EXOC4: variants seen among roughly 807,000 people sequenced by gnomAD.
The protein encoded by EXOC4 is exocyst complex component 4.
In EXOC4, 71 loss-of-function variants were observed where a neutral mutation model predicts 107.2. The observed-to-expected ratio is 0.66, with a 90% CI of 0.55 to 0.81. EXOC4 has a LOEUF of 0.81. Ranked by LOEUF, EXOC4 falls within the 30% of genes least tolerant of loss-of-function variation. The probability of loss-of-function intolerance (pLI) is 0.00; values close to 1 mark genes in which losing one functional copy is unlikely to be tolerated. For missense variants in EXOC4, 1,108 were observed against 1,189.6 expected, an observed-to-expected ratio of 0.93 and a Z score of 1.01; for synonymous variants, 456 against 441.2, an observed-to-expected ratio of 1.03 and a Z score of -0.42.
chr7:133,445,295 G>T (rs1206003360), intron 7 of EXOC4, among the ~76,000 whole-genome samples: 2 of 152,118 alleles, frequency 1.3e-5, no homozygotes, highest in Non-Finnish European at 2.9e-5. Context: ...GAGATGGCTG[G>T]AACGTGTGTC....
chr7:133,476,658 T>G (rs1301396061), intron 8 of EXOC4, among the ~76,000 whole-genome samples: 1 of 152,220 alleles, frequency 6.6e-6, no homozygotes, highest in Admixed American at 6.5e-5. Flanking sequence ...TCTATTCTGT[T>G]TATTGAATGC....
intron 14 of EXOC4, among the ~76,000 whole-genome samples, chr7:133,981,496 A>G (rs1409751928): frequency 6.6e-6 from 1 of 152,236 alleles, no homozygotes; most frequent in African/African-American, 2.4e-5. Context: ...AACAAGAAAA[A>G]AAAGCTAAAA....
chr7:134,079,685 T>G, the EXOC4 span, among the ~76,000 whole-genome samples: 1 of 152,218 alleles, frequency 6.6e-6, no homozygotes, highest in African/African-American at 2.4e-5. Context: ...ATAAATGCCC[T>G]GCCCTTCAGA....
At chr7:133,615,657 TA>T (rs745330783) in intron 9 of EXOC4, among the ~76,000 whole-genome samples, 1 of 152,172 alleles carries the variant, frequency 6.6e-6, no homozygotes, top group Admixed American at 6.5e-5. Flanking sequence ...GCGATTGAGA[TA>T]AAAAGTGTTT....
chr7:133,860,060 G>A (rs1344533198), intron 11 of EXOC4, among the ~76,000 whole-genome samples: 2 of 152,094 alleles, frequency 1.3e-5, no homozygotes, highest in Non-Finnish European at 2.9e-5. Flanking sequence ...GTCAAATGTT[G>A]GCAATTTCCT....
chr7:133,349,130 G>GT (rs11288847), intron 5 of EXOC4, among the ~76,000 whole-genome samples: 21 of 148,908 alleles, frequency 1.4e-4, no homozygotes, highest in Non-Finnish European at 3.0e-5. Flanking sequence ...AGATTTAAAT[G>GT]TTTTTTTTTT....
intron 7 of EXOC4, among the ~76,000 whole-genome samples, chr7:133,390,918 T>C (rs974978476): frequency 6.6e-6 from 1 of 152,256 alleles, no homozygotes; most frequent in African/African-American, 2.4e-5. Context: ...TCTATACCTG[T>C]AATTCAGTGA....
intron 10 of EXOC4, among the ~76,000 whole-genome samples, chr7:133,674,468 A>T (rs1333413108): frequency 6.6e-6 from 1 of 152,196 alleles, no homozygotes; most frequent in Non-Finnish European, 1.5e-5. Context: ...CAATTCAGGT[A>T]TATAAAAATG....
chr7:133,448,154 TG>T, intron 7 of EXOC4, among the ~76,000 whole-genome samples: 1 of 152,288 alleles, frequency 6.6e-6, no homozygotes, highest in South Asian at 2.1e-4. Flanking sequence ...GAAGCATTTC[TG>T]GGTCTCCTTT....
chr7:133,413,061 A>C (rs1797398882), intron 7 of EXOC4, among the ~76,000 whole-genome samples: 1 of 152,110 alleles, frequency 6.6e-6, no homozygotes, highest in Admixed American at 6.6e-5. Flanking sequence ...AATCAGTGGA[A>C]ATGTTCAGAA....
chr7:133,367,304 G>A (rs1319906594), intron 6 of EXOC4, among the ~76,000 whole-genome samples: 2 of 152,124 alleles, frequency 1.3e-5, no homozygotes, highest in African/African-American at 2.4e-5. Flanking sequence ...TTCCTGAGAA[G>A]GAATAACTGG....
intron 11 of EXOC4, among the ~76,000 whole-genome samples, chr7:133,889,433 T>A (rs567331221): frequency 2.7e-4 from 41 of 150,990 alleles, no homozygotes; most frequent in African/African-American, 7.5e-4. Context: ...TTATTTTTTT[T>A]AATTATACTT....
chr7:133,995,052 C>G (rs1794354877), intron 14 of EXOC4, among the ~76,000 whole-genome samples: 1 of 152,096 alleles, frequency 6.6e-6, no homozygotes, highest in African/African-American at 2.4e-5. Flanking sequence ...AAAATGTTAT[C>G]TTTTTGCCAT....
intron 9 of EXOC4, among the ~76,000 whole-genome samples, chr7:133,573,090 G>C (rs1038863285): frequency 2.0e-5 from 3 of 152,168 alleles, no homozygotes; most frequent in Non-Finnish European, 4.4e-5. Flanking sequence ...CAAATAAAAG[G>C]ATGTGGTCAT....
chr7:133,967,541 T>G (rs968258515), intron 14 of EXOC4, among the ~76,000 whole-genome samples: 1 of 152,222 alleles, frequency 6.6e-6, no homozygotes, highest in African/African-American at 2.4e-5. Flanking sequence ...TTGTTCTCAT[T>G]GGTTTCAAAG....
chr7:133,766,444 T>C (rs1314479587), intron 10 of EXOC4, among the ~76,000 whole-genome samples: 2 of 152,010 alleles, frequency 1.3e-5, no homozygotes, highest in Non-Finnish European at 2.9e-5. Flanking sequence ...AAAATAATAA[T>C]AGTGACATTT....
intron 11 of EXOC4, among the ~76,000 whole-genome samples, chr7:133,846,053 CA>C (rs201221051): frequency 1.3e-5 from 2 of 151,464 alleles, no homozygotes. Flanking sequence ...TTATACCCCC[CA>C]AAAAAAAGTT....
intron 5 of EXOC4, among the ~76,000 whole-genome samples, chr7:133,344,508 G>T (rs1034891341): frequency 2.3e-4 from 35 of 152,168 alleles, no homozygotes; most frequent in Admixed American, 6.5e-4. Flanking sequence ...AGCATCGGAA[G>T]GTTTGTGGTC....
At chr7:133,595,370 G>C (rs1435199896) in intron 9 of EXOC4, among the ~76,000 whole-genome samples, 1 of 152,136 alleles carries the variant, frequency 6.6e-6, no homozygotes, top group Admixed American at 6.5e-5. Context: ...CTTGCTATGA[G>C]ATCTTTAGTT....
Sources: allele counts gnomAD v4.1 joint callset (sites outside exome capture counted in the v4.1 genomes callset), GRCh38; gene constraint gnomAD v4.1.1; transcripts MANE v1.5; gene names NCBI Gene and HGNC (gene_info 2026-07-23, HGNC 2026-07-21).